The following ABHD3 variants were observed in gnomAD, a reference collection of about 807,000 sequenced individuals.
ABHD3 encodes phospholipase ABHD3.
ABHD3 carries 46 observed loss-of-function variants against 48.8 expected under a neutral mutation model. The ratio of observed to expected loss-of-function variants is 0.94; its 90% CI spans 0.74 to 1.20. ABHD3 has a LOEUF of 1.20. ABHD3 is among the 50% of genes most tolerant of loss of function. The pLI, the probability that ABHD3 is intolerant of heterozygous loss-of-function variation, is 0.00. For missense variants in ABHD3, 490 were observed against 497.8 expected (o/e 0.98, Z 0.15); for synonymous variants, 192 against 183.7 (o/e 1.04, Z -0.36).
At chr18:21,683,723 A>G in intron 4 of ABHD3, 197 bp downstream of exon 4, 1 of 357,200 alleles carries the variant, frequency 2.8e-6, no homozygotes, top group Non-Finnish European at 5.1e-6. Flanking sequence ...GAATGAACAC[A>G]GACTAAGGGA....
At chr18:21,677,247 T>C (rs2039903433) in intron 4 of ABHD3, among the ~76,000 whole-genome samples, 1 of 152,136 alleles carries the variant, frequency 6.6e-6, no homozygotes, top group Non-Finnish European at 1.5e-5. Flanking sequence ...CAGGCTGGCG[T>C]GCAGTGGCAC....
chr18:21,697,769 C>T (rs1303728899), intron 3 of ABHD3, among the ~76,000 whole-genome samples: 1 of 152,194 alleles, frequency 6.6e-6, no homozygotes, highest in East Asian at 1.9e-4. Context: ...CCCATCCATC[C>T]TGAATTTTGA....
intron 3 of ABHD3, among the ~76,000 whole-genome samples, chr18:21,691,521 G>T (rs149935972): frequency 6.6e-6 from 1 of 152,086 alleles, no homozygotes; most frequent in South Asian, 2.1e-4. Context: ...CATAATTCAC[G>T]TACCTTTTTC....
chr18:21,683,642 T>G (rs2040059698), intron 4 of ABHD3: 1 of 331,020 alleles, frequency 3.0e-6, no homozygotes, highest in Non-Finnish European at 6.2e-6. Context: ...AAAAGTTTAG[T>G]TACAAAATAG....
chr18:21,665,508 T>C (rs1378967980), intron 4 of ABHD3, among the ~76,000 whole-genome samples: 3 of 151,818 alleles, frequency 2.0e-5, no homozygotes, highest in Non-Finnish European at 4.4e-5. Context: ...CCAAGTAAAA[T>C]CATTATTTAT....
At chr18:21,664,790 A>G (rs985775731) in intron 4 of ABHD3, among the ~76,000 whole-genome samples, 1 of 151,750 alleles carries the variant, frequency 6.6e-6, no homozygotes, top group Non-Finnish European at 1.5e-5. Flanking sequence ...GCCACCACAA[A>G]CAGATTTTTA....
intron 4 of ABHD3, among the ~76,000 whole-genome samples, chr18:21,666,619 T>G (rs1051682912): frequency 8.5e-5 from 13 of 152,148 alleles, no homozygotes; most frequent in African/African-American, 3.1e-4. Context: ...CGTGAGCCAC[T>G]GTGCCTGGCC....
In ABHD3 at chr18:21,699,919, G is replaced by A. The variant is rs141417355; in HGVS notation, c.509+2397C>T. Among the ~76,000 whole-genome samples the A allele has an allele frequency of 2.4e-3, 360 of 152,010 alleles. 1 individual carries two copies. Among genetic ancestry groups the A allele is most frequent in the African/African-American group, 8.3e-3 (344 of 41,470 alleles). The stretch of plus-strand genomic sequence containing the variant: ...TCTCGAACTCCTGACCTTGTGATCC[G>A]CATGCCTCAGCCTGTGGATGAGTGC... On this transcript the variant is annotated intron_variant, in intron 3 of 8. Coordinates refer to ENST00000289119, the MANE Select transcript of ABHD3 (RefSeq NM_138340.5).
chr18:21,694,801 C>A (rs1455227846), intron 3 of ABHD3, among the ~76,000 whole-genome samples: 1 of 152,068 alleles, frequency 6.6e-6, no homozygotes, highest in African/African-American at 2.4e-5. Flanking sequence ...TCATGTTTTG[C>A]TTTATTCATC....
At chr18:21,656,769 T>C (rs2039360069) in intron 8 of ABHD3, 92 bp downstream of exon 8, 1 of 1,202,934 alleles carries the variant, frequency 8.3e-7, no homozygotes, top group African/African-American at 1.5e-5. Flanking sequence ...ATAATGGAAA[T>C]GACACATTTT....
In ABHD3 at chr18:21,703,764, T is replaced by C. The variant is rs750341710; in HGVS notation, c.163-17A>G. 1.2e-6 allele frequency: 2 copies of C among 1,610,232 alleles called. No homozygotes were observed. Among genetic ancestry groups the C allele is most frequent in the South Asian group, 1.1e-5 (1 of 91,018 alleles). On this transcript the variant is annotated splice_polypyrimidine_tract_variant and intron_variant, in intron 1 of 8. Transcript: ENST00000289119. ...CTGGGGTTTCTGAAGGGAAAAGCAG[T>C]ATCAGAGAAGGGCCCAGAGCAAAGT...
Position 21,702,503 on chromosome 18 carries a change from A to G in ABHD3, c.327-5T>C, listed in dbSNP as rs2040535131. The G allele has an allele frequency of 6.3e-7, 1 of 1,583,482 alleles. No homozygotes were observed. Among genetic ancestry groups the G allele is most frequent in the Admixed American group, 1.8e-5 (1 of 55,902 alleles). ...TCTGCAGTTTTAATAAGTTCACTGA[A>G]AGGAATAATTCAGAAGACATTACTA... On this transcript the variant is annotated splice_polypyrimidine_tract_variant and splice_region_variant and intron_variant, in intron 2 of 8. Transcript: ENST00000289119.
Position 21,651,364 on chromosome 18 carries a change from A to C in ABHD3, c.*227T>G. On this transcript the variant is annotated 3_prime_UTR_variant, in exon 9 of 9. Transcript: ENST00000289119. ...ACTTTGTTTAAGGATGTACTTGGTA[A>C]GGCATAGTAAAAATAAAATCTACGT... is the stretch of plus-strand genomic sequence containing the variant. 2.7e-6 allele frequency: 1 copy of C among 369,822 alleles called. No homozygotes were observed. Among genetic ancestry groups the C allele is most frequent in the Non-Finnish European group, 4.8e-6 (1 of 207,638 alleles). The allele number at this position is 369,822 out of a possible 1,614,324, so 22.9% of individuals were successfully genotyped here.
At chr18:21,684,087 AGTT>A (rs1363958829) in intron 3 of ABHD3, 122 bp from the exon 4 acceptor site, 2 of 846,744 alleles carry the variant, frequency 2.4e-6, no homozygotes, top group African/African-American at 3.5e-5. Context: ...TCTGTCTTGT[AGTT>A]GTAATGTTTG....
intron 3 of ABHD3, among the ~76,000 whole-genome samples, chr18:21,697,177 G>C (rs768945412): frequency 2.7e-5 from 4 of 150,482 alleles, no homozygotes; most frequent in Non-Finnish European, 5.9e-5. Flanking sequence ...CCAGGTTCAA[G>C]TGATTCTTCT....
chr18:21,689,372 A>G (rs540376964), intron 3 of ABHD3, among the ~76,000 whole-genome samples: 4 of 152,008 alleles, frequency 2.6e-5, no homozygotes, highest in South Asian at 2.1e-4. Flanking sequence ...AACGTAGTGA[A>G]ACACTGTCTC....
intron 3 of ABHD3, among the ~76,000 whole-genome samples, chr18:21,699,199 C>T (rs1041015721): frequency 2.0e-5 from 3 of 152,126 alleles, no homozygotes; most frequent in Non-Finnish European, 4.4e-5. Flanking sequence ...CAGGCATGGG[C>T]GACCACACCT....
chr18:21,672,591 G>A (rs1160144899), intron 4 of ABHD3, among the ~76,000 whole-genome samples: 1 of 152,182 alleles, frequency 6.6e-6, no homozygotes, highest in Non-Finnish European at 1.5e-5. Context: ...CTGTGTGGAT[G>A]TGGGCCTCCC....
chr18:21,658,952 C>A (rs1043629784), intron 6 of ABHD3, among the ~76,000 whole-genome samples: 8 of 151,884 alleles, frequency 5.3e-5, no homozygotes, highest in Non-Finnish European at 1.0e-4. Flanking sequence ...AATTCTCCTG[C>A]CTCAGCCTCC....
Sources: allele counts gnomAD v4.1 joint callset (sites outside exome capture counted in the v4.1 genomes callset), GRCh38; gene constraint gnomAD v4.1.1; transcripts MANE v1.5; gene names NCBI Gene and HGNC (gene_info 2026-07-23, HGNC 2026-07-21).